The following GABRB1 variants were observed in gnomAD, a reference collection of about 807,000 sequenced individuals.
The protein encoded by GABRB1 is gamma-aminobutyric acid receptor subunit beta-1.
Under a neutral mutation model 51.6 loss-of-function variants are expected in GABRB1, and 17 were observed. That is an observed-to-expected ratio of 0.33 (90% CI 0.23 to 0.49). The LOEUF is 0.49. Ranked by LOEUF, GABRB1 falls within the 20% of genes least tolerant of loss-of-function variation. The probability of loss-of-function intolerance (pLI) is 0.99; values close to 1 mark genes in which losing one functional copy is unlikely to be tolerated. For missense variants in GABRB1, 410 were observed against 600.6 expected, an observed-to-expected ratio of 0.68 and a Z score of 3.32; for synonymous variants, 247 against 218.9, an observed-to-expected ratio of 1.13 and a Z score of -1.14.
chr4:47,088,927 T>C (rs1475531379), intron 3 of GABRB1, among the ~76,000 whole-genome samples: 1 of 152,222 alleles, frequency 6.6e-6, no homozygotes, highest in African/African-American at 2.4e-5. Context: ...TAACCTTTCC[T>C]GGACCTATTT....
chr4:47,032,573 C>T lies in GABRB1; in HGVS notation c.240+89C>T, dbSNP rs915428124. On this transcript the variant is annotated intron_variant, in intron 3 of 8. Transcript: ENST00000295454. ...TTGCCCTCTGCGTTTCATTGGCGGT[C>T]ACCTCGCCCCTGGCCCCTGAGGTCC... is the stretch of plus-strand genomic sequence containing the variant. 3.1e-6 allele frequency: 4 copies of T among 1,276,356 alleles called. No homozygotes were observed. The African/African-American group carries it at 4.4e-5, about 14-fold the overall frequency. The allele number at this position is 1,276,356 out of a possible 1,614,324, so 79.1% of individuals were successfully genotyped here. A position where few individuals can be genotyped will look rare whatever the true frequency, so the allele number is the denominator to read the frequency against.
intron 4 of GABRB1, among the ~76,000 whole-genome samples, chr4:47,174,635 T>C (rs1212165239): frequency 6.6e-6 from 1 of 152,024 alleles, no homozygotes; most frequent in Non-Finnish European, 1.5e-5. Flanking sequence ...TTTTTTTACT[T>C]GATGATAGGT....
chr4:47,262,257 A>G (rs1447534075), intron 4 of GABRB1, among the ~76,000 whole-genome samples: 1 of 152,214 alleles, frequency 6.6e-6, no homozygotes. Flanking sequence ...TGAACAGGCA[A>G]CCTATAAAAT....
At chr4:47,355,250 G>A (rs1196043017) in intron 5 of GABRB1, among the ~76,000 whole-genome samples, 1 of 151,868 alleles carries the variant, frequency 6.6e-6, no homozygotes, top group African/African-American at 2.4e-5. Context: ...TCAAAGTTTG[G>A]GATTACTGGC....
At chr4:47,361,325 G>A (rs1009598733) in intron 5 of GABRB1, among the ~76,000 whole-genome samples, 1 of 152,092 alleles carries the variant, frequency 6.6e-6, no homozygotes, top group African/African-American at 2.4e-5. Flanking sequence ...AAAAGGCAAA[G>A]GGTAAAACAT....
At chr4:47,186,326 T>A (rs559652849) in intron 4 of GABRB1, among the ~76,000 whole-genome samples, 3 of 151,880 alleles carry the variant, frequency 2.0e-5, no homozygotes, top group African/African-American at 4.8e-5. Flanking sequence ...GAGAACACTA[T>A]CATGCATATT....
intron 3 of GABRB1, among the ~76,000 whole-genome samples, chr4:47,129,093 G>A (rs1198913065): frequency 1.3e-5 from 2 of 152,052 alleles, no homozygotes; most frequent in African/African-American, 2.4e-5. Flanking sequence ...ATTTTTCCAG[G>A]CATTTAAGAG....
At chr4:47,034,181 T>C (rs1289141001) in intron 3 of GABRB1, among the ~76,000 whole-genome samples, 1 of 152,208 alleles carries the variant, frequency 6.6e-6, no homozygotes, top group Non-Finnish European at 1.5e-5. Flanking sequence ...GCCTTTGTTC[T>C]ACCTTGCCGT....
chr4:47,075,420 A>G (rs952063166), intron 3 of GABRB1, among the ~76,000 whole-genome samples: 1 of 152,206 alleles, frequency 6.6e-6, no homozygotes, highest in African/African-American at 2.4e-5. Flanking sequence ...CATAAAGGCT[A>G]TGATTAATAG....
At chr4:47,331,215 G>C (rs1725468366) in intron 5 of GABRB1, among the ~76,000 whole-genome samples, 1 of 151,856 alleles carries the variant, frequency 6.6e-6, no homozygotes, top group Non-Finnish European at 1.5e-5. Context: ...TAGCTTTTTT[G>C]ATGAGAAGAG....
At chr4:47,326,470 G>A (rs1422796928) in intron 5 of GABRB1, among the ~76,000 whole-genome samples, 1 of 151,962 alleles carries the variant, frequency 6.6e-6, no homozygotes, top group Non-Finnish European at 1.5e-5. Flanking sequence ...ATTAATTATT[G>A]TTAATCTCAT....
At chr4:47,203,013 A>G (rs1381557928) in intron 4 of GABRB1, among the ~76,000 whole-genome samples, 1 of 151,974 alleles carries the variant, frequency 6.6e-6, no homozygotes, top group Non-Finnish European at 1.5e-5. Flanking sequence ...AGAAATGAAG[A>G]CTCTACTGCC....
At chr4:47,168,386 C>T (rs1395798724) in intron 4 of GABRB1, among the ~76,000 whole-genome samples, 1 of 152,162 alleles carries the variant, frequency 6.6e-6, no homozygotes, top group African/African-American at 2.4e-5. Flanking sequence ...AAATCGTTAA[C>T]ATTCACATCT....
rs77715242 is a variant in GABRB1, at chr4:47,093,845, G to A, written c.240+61361G>A. Among the ~76,000 whole-genome samples the A allele has an allele frequency of 3.2e-4, 48 of 152,202 alleles. 1 individual carries two copies. The highest frequency in any genetic ancestry group is 1.1e-3 in the African/African-American group (45 of 41,524). On this transcript the variant is annotated intron_variant, in intron 3 of 8. Coordinates refer to ENST00000295454, the MANE Select transcript of GABRB1 (RefSeq NM_000812.4). ...AACATGTAAAGGCCATTTATTATCC[G>A]AAAATTCCCTATTGGTAATAAATAA...
intron 5 of GABRB1, among the ~76,000 whole-genome samples, chr4:47,350,269 G>A (rs1290360798): frequency 3.6e-5 from 4 of 109,916 alleles, no homozygotes; most frequent in Non-Finnish European, 7.6e-5. Flanking sequence ...ATTAATGTGT[G>A]TATATATATA....
At chr4:46,999,885 C>T (rs759829778) in intron 1 of GABRB1, among the ~76,000 whole-genome samples, 1 of 152,172 alleles carries the variant, frequency 6.6e-6, no homozygotes, top group Non-Finnish European at 1.5e-5. Flanking sequence ...CATGAGGAGG[C>T]ATGAAGAGAT....
chr4:47,363,538 T>C (rs1726877461), intron 5 of GABRB1, among the ~76,000 whole-genome samples: 1 of 152,142 alleles, frequency 6.6e-6, no homozygotes, highest in Admixed American at 6.6e-5. Flanking sequence ...TCCCAGGTCA[T>C]ATTTATAATA....
intron 5 of GABRB1, among the ~76,000 whole-genome samples, chr4:47,321,558 T>C (rs752866326): frequency 6.1e-5 from 9 of 148,088 alleles, no homozygotes; most frequent in Non-Finnish European, 1.2e-4. Flanking sequence ...TAACTTTTGG[T>C]TCAGATATCA....
At chr4:47,266,695 A>G (rs1722655850) in intron 4 of GABRB1, among the ~76,000 whole-genome samples, 1 of 152,128 alleles carries the variant, frequency 6.6e-6, no homozygotes, top group African/African-American at 2.4e-5. Context: ...TTGTGGCTTA[A>G]TATATGATCT....
Sources: allele counts gnomAD v4.1 joint callset (sites outside exome capture counted in the v4.1 genomes callset), GRCh38; gene constraint gnomAD v4.1.1; transcripts MANE v1.5; gene names NCBI Gene and HGNC (gene_info 2026-07-23, HGNC 2026-07-21).